The following TMCO1 variants were observed in gnomAD, a reference collection of about 807,000 sequenced individuals.
TMCO1 encodes the protein transmembrane and coiled-coil domains 1, also known as calcium load-activated calcium channel.
Under a neutral mutation model 29.3 loss-of-function variants are expected in TMCO1, and 29 were observed. That is an observed-to-expected ratio of 0.99 (90% CI 0.74 to 1.35). The LOEUF (loss-of-function observed/expected upper bound fraction) is 1.35. Among genes scored for constraint, TMCO1 ranks in the 40% most tolerant of loss-of-function variants. The pLI, the probability that TMCO1 is intolerant of heterozygous loss-of-function variation, is 0.00. For missense variants in TMCO1, 173 were observed against 225.5 expected, an observed-to-expected ratio of 0.77 and a Z score of 1.49; for synonymous variants, 80 against 77.1, an observed-to-expected ratio of 1.04 and a Z score of -0.20.
chr1:165,742,472 A>G (rs1651634224), intron 6 of TMCO1, among the ~76,000 whole-genome samples: 1 of 152,198 alleles, frequency 6.6e-6, no homozygotes, highest in Non-Finnish European at 1.5e-5. Flanking sequence ...AATGTTGCCT[A>G]GGCTGGTCTC....
chr1:165,725,666 T>TG, downstream of TMCO1: 1 of 454,094 alleles, frequency 2.2e-6, no homozygotes, highest in South Asian at 1.6e-5. Flanking sequence ...GATCTGGTGA[T>TG]GCTGTGGACC....
chr1:165,726,577 A>T (rs1404795975), downstream of TMCO1: 2 of 463,010 alleles, frequency 4.3e-6, no homozygotes, highest in East Asian at 1.3e-4. Context: ...CAGTTTCCTC[A>T]TCTGTTAAAT....
chr1:165,743,442 T>G, intron 5 of TMCO1, 131 bp from the exon 6 acceptor site: 2 of 901,740 alleles, frequency 2.2e-6, no homozygotes, highest in Non-Finnish European at 3.4e-6. Context: ...GAGGGTGACA[T>G]GCTAAAAATA....
At chr1:165,749,846 TAAACGTCAAA>T (rs1360048062) in intron 5 of TMCO1, among the ~76,000 whole-genome samples, 1 of 151,018 alleles carries the variant, frequency 6.6e-6, no homozygotes, top group Non-Finnish European at 1.5e-5. Context: ...ACATAAAAAA[TAAACGTCAAA>T]AAAAAGAAGG....
chr1:165,752,251 CAT>C (rs754029471), intron 4 of TMCO1, 82 bp from the exon 5 acceptor site: 16,530 of 651,254 alleles, frequency 0.025, 327 homozygotes, highest in East Asian at 0.073. Context: ...GGTTTCATGT[CAT>C]TTTTTTTTTT....
In TMCO1 at chr1:165,735,484, T is replaced by C. The variant is rs184484308; in HGVS notation, c.469-7363A>G. 5.4e-3 allele frequency among the ~76,000 whole-genome samples: 804 copies of C among 149,274 alleles called. 3 individuals carry two copies. The highest frequency in any genetic ancestry group is 9.2e-3 in the Admixed American group (137 of 14,876). ...AAAAAGGAGCCTCAAATTTTGCATA[T>C]AAACTCTGCCCCCAAATCTCTGCTT... On this transcript the variant is annotated intron_variant, in intron 6 of 6. Coordinates refer to ENST00000367881, the MANE Select transcript of TMCO1 (RefSeq NM_019026.6).
chr1:165,746,453 TCACACACACACA>T (rs59467463), intron 5 of TMCO1, among the ~76,000 whole-genome samples: 9 of 132,326 alleles, frequency 6.8e-5, no homozygotes, highest in African/African-American at 1.4e-4. Context: ...AAGACCTATA[TCACACACACACA>T]CACACACACA....
At chr1:165,745,374 G>C (rs1264720128) in intron 5 of TMCO1, among the ~76,000 whole-genome samples, 2 of 146,206 alleles carry the variant, frequency 1.4e-5, no homozygotes, top group Non-Finnish European at 3.0e-5. Flanking sequence ...GGTGGCTCAT[G>C]TCTCATAATC....
rs571128803 is a variant in TMCO1 at position 165,766,448 on chromosome 1, A to G, written c.148+1744T>C. ...AAAACTAAATTTTGTGTCACTCCCAACAACGGGAGGTCAAGAAATGAAACC... is the reference window on the plus strand; with the variant it reads ...AAAACTAAATTTTGTGTCACTCCCAGCAACGGGAGGTCAAGAAATGAAACC... On this transcript the variant is annotated intron_variant, in intron 2 of 6. Transcript: ENST00000367881. Among the ~76,000 whole-genome samples the G allele has an allele frequency of 4.6e-5, 7 of 152,328 alleles. No homozygotes were observed. In the South Asian group the frequency reaches 1.4e-3, roughly 32 times the overall value.
intron 5 of TMCO1, among the ~76,000 whole-genome samples, chr1:165,750,796 G>A (rs1210223675): frequency 5.9e-5 from 9 of 152,084 alleles, no homozygotes; most frequent in Non-Finnish European, 1.2e-4. Flanking sequence ...TGGGCCAGGC[G>A]TGGTGGCTCA....
chr1:165,752,675 T>TCCCC lies in TMCO1; in HGVS notation c.256-507_256-506insGGGG, dbSNP rs558216324. 2.8e-4 allele frequency among the ~76,000 whole-genome samples: 42 copies of TCCCC among 150,946 alleles called. No individual in the cohort carries two copies. The East Asian group carries it at 7.6e-3, about 27-fold the overall frequency. On this transcript the variant is annotated intron_variant, in intron 4 of 6. Coordinates refer to ENST00000367881, the MANE Select transcript of TMCO1 (RefSeq NM_019026.6). ...CAGGCGTACTGGCGGGTGCCTGTAATCCCAGCTACTCGGGAGGCTGAGGCA... is the reference window on the plus strand; with the variant it reads ...CAGGCGTACTGGCGGGTGCCTGTAATCCCCCCCAGCTACTCGGGAGGCTGAGGCA...
At chr1:165,741,022 C>T (rs1209108583) in intron 6 of TMCO1, among the ~76,000 whole-genome samples, 1 of 152,190 alleles carries the variant, frequency 6.6e-6, no homozygotes, top group African/African-American at 2.4e-5. Flanking sequence ...AAGTATATAC[C>T]TCAGCTAAGC....
At chr1:165,759,384 G>A (rs1652315187) in intron 3 of TMCO1, 141 bp downstream of exon 3, 1 of 664,024 alleles carries the variant, frequency 1.5e-6, no homozygotes. Context: ...AATCAAGTGA[G>A]ATAAAGTATG....
chr1:165,737,679 T>C (rs1160116667), intron 6 of TMCO1, among the ~76,000 whole-genome samples: 1 of 151,984 alleles, frequency 6.6e-6, no homozygotes, highest in East Asian at 1.9e-4. Flanking sequence ...CAGAAAACAG[T>C]GGAAAGGCAT....
chr1:165,729,800 T>A (rs1214060175), intron 6 of TMCO1, among the ~76,000 whole-genome samples: 1 of 152,204 alleles, frequency 6.6e-6, no homozygotes, highest in Non-Finnish European at 1.5e-5. Flanking sequence ...CGACCCTTAA[T>A]CTAATGGATT....
chr1:165,725,093 CTAAAA>C (rs1353299704), downstream of TMCO1: 1 of 397,274 alleles, frequency 2.5e-6, no homozygotes, highest in African/African-American at 2.2e-5. Flanking sequence ...ATTTTTCATT[CTAAAA>C]TTTTTTAAAA....
At chr1:165,747,766 T>G (rs867853730) in intron 5 of TMCO1, among the ~76,000 whole-genome samples, 1 of 152,284 alleles carries the variant, frequency 6.6e-6, no homozygotes, top group Middle Eastern at 3.4e-3. Context: ...AGCTCAACAT[T>G]TACTAGCTTG....
At chr1:165,746,941 T>C (rs953753591) in intron 5 of TMCO1, among the ~76,000 whole-genome samples, 1 of 152,090 alleles carries the variant, frequency 6.6e-6, no homozygotes, top group East Asian at 1.9e-4. Context: ...TTCAGGAAGA[T>C]GTCCAATTAG....
At position 165,730,164 on chromosome 1, in the gene TMCO1, A is replaced by C. The variant is rs1346545806; in HGVS notation, c.469-2043T>G. 2.6e-4 allele frequency among the ~76,000 whole-genome samples: 26 copies of C among 98,418 alleles called. No individual in the cohort carries two copies. The South Asian group carries it at 0.01, about 39-fold the overall frequency. 64.6% of individuals were successfully genotyped at this position (98,418 alleles called of 152,430 possible). A position where few individuals can be genotyped will look rare whatever the true frequency, so the allele number is the denominator to read the frequency against. On this transcript the variant is annotated intron_variant, in intron 6 of 6. Coordinates refer to ENST00000367881, the MANE Select transcript of TMCO1 (RefSeq NM_019026.6). ...GTGAAACCCCGTCTGTACTAAAAAT[A>C]CACACACACAAAAAAAAAAAAATTA...
Sources: allele counts gnomAD v4.1 joint callset (sites outside exome capture counted in the v4.1 genomes callset), GRCh38; gene constraint gnomAD v4.1.1; transcripts MANE v1.5; gene names NCBI Gene and HGNC (gene_info 2026-07-23, HGNC 2026-07-21).